DSEL: variants seen among roughly 807,000 people sequenced by gnomAD.
DSEL encodes the protein dermatan-sulfate epimerase-like protein.
Under a neutral mutation model 96.6 loss-of-function variants are expected in DSEL, and 61 were observed. The observed-to-expected ratio is 0.63, with a 90% CI of 0.51 to 0.78. The LOEUF is 0.78. DSEL is among the 30% of genes least tolerant of loss of function. DSEL has a pLI of 0.00. For missense variants in DSEL, 1,320 were observed against 1,430.8 expected, an observed-to-expected ratio of 0.92 and a Z score of 1.25; for synonymous variants, 514 against 502.0, an observed-to-expected ratio of 1.02 and a Z score of -0.32.
chr18:67,511,168 A>T lies in DSEL; in HGVS notation c.3441T>A (p.Ile1147=). ...GGTTTAAACTAGCAGGAGACAAAGG[A>T]ATTCCAAGAAAGGCAAAAATCCTTT... The part of the protein sequence containing the change: ...TTERIFAFLG[I]PLSPASLNQI... The change falls in exon 2 of 2, where the codon ATT becomes ATA. Residue 1147 remains isoleucine (I), a synonymous_variant. Transcript: ENST00000310045. 1 of 1,614,102 alleles carries T rather than the reference A, an allele frequency of 6.2e-7. No homozygotes were observed. The highest frequency in any genetic ancestry group is 8.5e-7 in the Non-Finnish European group (1 of 1,180,028).
In DSEL at chr18:67,510,926, G is replaced by A; in HGVS notation, c.*44C>T. 6.7e-7 allele frequency: 1 copy of A among 1,486,476 alleles called. No homozygotes were observed. Among genetic ancestry groups the A allele is most frequent in the Non-Finnish European group, 9.0e-7 (1 of 1,105,912 alleles). 92.1% of individuals were successfully genotyped at this position (1,486,476 alleles called of 1,614,324 possible). On this transcript the variant is annotated 3_prime_UTR_variant, in exon 2 of 2. Coordinates refer to ENST00000310045, the MANE Select transcript of DSEL (RefSeq NM_032160.3). ...CTTCTGATTCATATCCACAAAGTGG[G>A]TTGGTAAGTATTATTAGTGCAAATT... is the stretch of plus-strand genomic sequence containing the variant.
Position 67,510,426 on chromosome 18 carries a change from T to A in DSEL, c.*544A>T, listed in dbSNP as rs920410365. 6.6e-6 allele frequency: 1 copy of A among 152,602 alleles called. No homozygotes were observed. Among genetic ancestry groups the A allele is most frequent in the Non-Finnish European group, 1.5e-5 (1 of 68,076 alleles). 9.5% of individuals were successfully genotyped at this position (152,602 alleles called of 1,614,324 possible). On this transcript the variant is annotated 3_prime_UTR_variant, in exon 2 of 2. Transcript: ENST00000310045. The stretch of plus-strand genomic sequence containing the variant: ...CCCAGAAGAAATCCTATAGTTCTGA[T>A]AGGAGCTTTCACCATTTCCTCAGTG...
chr18:67,510,705 C>G lies in DSEL; in HGVS notation c.*265G>C, dbSNP rs1231300427. The G allele has an allele frequency of 1.6e-5, 7 of 424,928 alleles. No homozygotes were observed. Among genetic ancestry groups the G allele is most frequent in the Non-Finnish European group, 2.5e-5 (6 of 241,908 alleles). The allele number at this position is 424,928 out of a possible 1,614,324, so 26.3% of individuals were successfully genotyped here. A position where few individuals can be genotyped will look rare whatever the true frequency, so the allele number is the denominator to read the frequency against. ...CATCTCCCCTGACCCCATGATATAA[C>G]TTCATCTACCACTCTGTAGCAGAAA... On this transcript the variant is annotated 3_prime_UTR_variant, in exon 2 of 2. Coordinates refer to ENST00000310045, the MANE Select transcript of DSEL (RefSeq NM_032160.3).
chr18:67,514,307 G>A lies in DSEL; in HGVS notation c.302C>T (p.Pro101Leu). The A allele has an allele frequency of 6.2e-7, 1 of 1,614,198 alleles. No individual in the cohort carries two copies. The highest frequency in any genetic ancestry group is 8.5e-7 in the Non-Finnish European group (1 of 1,180,030). Residue 101 changes from proline to leucine, a missense_variant, in exon 2 of 2, where the codon CCA becomes CTA. By Grantham distance (98) the Pro-to-Leu change is moderately conservative. Around this residue, in one of 3 missense-constraint regions of DSEL, gnomAD observed 323 missense variants for 333.1 expected, o/e 0.97. Transcript: ENST00000310045. ...CTTTGGTGGAGGTAGGTAGTATGTT[G>A]GGTTGGACAGCATAACTGTCACTGC... ...RSAVTVMLSN[P>L]TYYLPPPKHA...
chr18:67,511,705 T>C lies in DSEL; in HGVS notation c.2904A>G (p.Pro968=), dbSNP rs1242008491. ...CGCCTTTCATTTGACTTCTTTGTTCTGGCAAAGACTCTCTCCTTTTAAATT... is the reference window on the plus strand; with the variant it reads ...CGCCTTTCATTTGACTTCTTTGTTCCGGCAAAGACTCTCTCCTTTTAAATT... The part of the protein sequence containing the change: ...KRKFKRRESL[P]EQRSQMKGAF... Residue 968 remains proline, a synonymous_variant, in exon 2 of 2, where the codon CCA becomes CCG. Coordinates refer to ENST00000310045, the MANE Select transcript of DSEL (RefSeq NM_032160.3). The C allele has an allele frequency of 3.1e-6, 5 of 1,614,012 alleles. No homozygotes were observed. The highest frequency in any genetic ancestry group is 1.3e-5 in the African/African-American group (1 of 74,924).
In DSEL at chr18:67,512,923, T is replaced by C; in HGVS notation, c.1686A>G (p.Ser562=). 6.2e-7 allele frequency: 1 copy of C among 1,614,194 alleles called. No individual in the cohort carries two copies. Among genetic ancestry groups the C allele is most frequent in the Non-Finnish European group, 8.5e-7 (1 of 1,180,042 alleles). Residue 562 remains serine, a synonymous_variant, in exon 2 of 2, where the codon TCA becomes TCG. Coordinates refer to ENST00000310045, the MANE Select transcript of DSEL (RefSeq NM_032160.3). ...VSGEAVSAYS[S]AMRLKSVYRA... ...GATATACACTTTTCAGTCTCATTGC[T>C]GAAGAATAAGCAGACACGGCTTCCC...
Position 67,514,745 on chromosome 18 carries a change from A to G in DSEL, c.-137T>C. ...GTAAATCTGATATGCTGTGAAATCC[A>G]GCTGACATTCAGTACATTTTAAGCA... On this transcript the variant is annotated 5_prime_UTR_variant, in exon 2 of 2. Transcript: ENST00000310045. 2.0e-6 allele frequency: 2 copies of G among 1,007,758 alleles called. No individual in the cohort carries two copies. 62.4% of individuals were successfully genotyped at this position (1,007,758 alleles called of 1,614,324 possible). A position where few individuals can be genotyped will look rare whatever the true frequency, so the allele number is the denominator to read the frequency against.
At position 67,511,285 on chromosome 18, in the gene DSEL, T is replaced by G; in HGVS notation, c.3324A>C (p.Ala1108=). 1 of 1,609,978 alleles carries G rather than the reference T, an allele frequency of 6.2e-7. No homozygotes were observed. Among genetic ancestry groups the G allele is most frequent in the South Asian group, 1.1e-5 (1 of 91,076 alleles). The change falls in exon 2 of 2, where the codon GCA becomes GCC. Residue 1108 remains alanine (A), a synonymous_variant. Transcript: ENST00000310045. ...LLSHLWLANT[A]AALRINTDLL... is the part of the protein sequence containing the mutation. ...AATCTGTATTTATTCTCAAGGCTGC[T>G]GCTGTATTTGCTAGCCACAAGTGAG...
In DSEL at chr18:67,513,931, G is replaced by A. The variant is rs781029940; in HGVS notation, c.678C>T (p.Ala226=). Residue 226 remains alanine, a synonymous_variant, in exon 2 of 2, where the codon GCC becomes GCT. Transcript: ENST00000310045. ...CTGTGAGTAATGCTATCATATTAGT[G>A]GCTTGGTGGTTATGGAGAAGCTGTT... ...WGKQLLHNHQ[A]TNMIALLTGA... The A allele has an allele frequency of 2.5e-6, 4 of 1,613,982 alleles. No individual in the cohort carries two copies. The highest frequency in any genetic ancestry group is 3.4e-6 in the Non-Finnish European group (4 of 1,180,028).
Position 67,511,279 on chromosome 18 carries a change from G to C in DSEL, c.3330C>G (p.Ala1110=). Residue 1110 remains alanine (A), a synonymous_variant, in exon 2 of 2, where the codon GCC becomes GCG. Coordinates refer to ENST00000310045, the MANE Select transcript of DSEL (RefSeq NM_032160.3). The part of the protein sequence containing the change: ...SHLWLANTAA[A]LRINTDLLPT... Reference sequence around the variant, plus strand: ...GCAGCAAATCTGTATTTATTCTCAAGGCTGCTGCTGTATTTGCTAGCCACA... The same window carrying C: ...GCAGCAAATCTGTATTTATTCTCAACGCTGCTGCTGTATTTGCTAGCCACA... 3 of 1,610,542 alleles carry C rather than the reference G, an allele frequency of 1.9e-6. No homozygotes were observed. The highest frequency in any genetic ancestry group is 2.5e-6 in the Non-Finnish European group (3 of 1,179,990).
rs1395100563 is a variant in DSEL at position 67,511,694 on chromosome 18, C to T, written c.2915G>A (p.Ser972Asn). Residue 972 changes from serine (S) to asparagine (N), a missense_variant, in exon 2 of 2, where the codon AGT becomes AAT. Around this residue, in one of 3 missense-constraint regions of DSEL, gnomAD observed 986 missense variants for 1,066.4 expected, o/e 0.92. Coordinates refer to ENST00000310045, the MANE Select transcript of DSEL (RefSeq NM_032160.3). ...KRRESLPEQR[S>N]QMKGAFDRDA... The stretch of plus-strand genomic sequence containing the variant: ...TCTATCAAAGGCGCCTTTCATTTGA[C>T]TTCTTTGTTCTGGCAAAGACTCTCT... 2 of 1,614,110 alleles carry T rather than the reference C, an allele frequency of 1.2e-6. No homozygotes were observed. The highest frequency in any genetic ancestry group is 1.7e-5 in the Admixed American group (1 of 60,014).
chr18:67,514,695 T>A lies in DSEL; in HGVS notation c.-87A>T. ...CATCTGGTTAGTATAAAACATACAG[T>A]AAAGGCCTTGATAAGACAAAGACTG... On this transcript the variant is annotated 5_prime_UTR_variant, in exon 2 of 2. Transcript: ENST00000310045. 1 of 1,404,580 alleles carries A rather than the reference T, an allele frequency of 7.1e-7. No homozygotes were observed. The highest frequency in any genetic ancestry group is 9.8e-7 in the Non-Finnish European group (1 of 1,024,076). The allele number at this position is 1,404,580 out of a possible 1,614,324, so 87.0% of individuals were successfully genotyped here. A position where few individuals can be genotyped will look rare whatever the true frequency, so the allele number is the denominator to read the frequency against.
In DSEL at chr18:67,512,285, G is replaced by A. The variant is rs752438984; in HGVS notation, c.2324C>T (p.Ala775Val). The part of the protein sequence containing the change: ...IFPFGFKFNI[A>V]VGLILCISLV... ...GCTAATGCACAAAATTAATCCAACTGCTATATTAAATTTAAATCCAAAGGG... is the reference window on the plus strand; with the variant it reads ...GCTAATGCACAAAATTAATCCAACTACTATATTAAATTTAAATCCAAAGGG... The change falls in exon 2 of 2, where the codon GCA (alanine) becomes GTA (valine). Residue 775 changes from alanine (A) to valine (V), a missense_variant. Physicochemically the swap from Ala to Val is moderately conservative, Grantham distance 64 (BLOSUM62 0). Transcript: ENST00000310045. 9.3e-6 allele frequency: 15 copies of A among 1,613,928 alleles called. No individual in the cohort carries two copies. Among genetic ancestry groups the A allele is most frequent in the Non-Finnish European group, 1.3e-5 (15 of 1,179,992 alleles).
Position 67,512,316 on chromosome 18 carries a change from T to A in DSEL, c.2293A>T (p.Ile765Phe). ...IVKPVRHDRI[I>F]FPFGFKFNIA... ...TTAAATTTAAATCCAAAGGGGAAAA[T>A]AATCCTATCATGTCTTACAGGCTTT... is the stretch of plus-strand genomic sequence containing the variant. Residue 765 changes from isoleucine (I) to phenylalanine (F), a missense_variant, in exon 2 of 2, where the codon ATT becomes TTT. By Grantham distance (21) the Ile-to-Phe change is conservative. Transcript: ENST00000310045. The A allele has an allele frequency of 1.2e-6, 2 of 1,614,198 alleles. No individual in the cohort carries two copies. The highest frequency in any genetic ancestry group is 8.5e-7 in the Non-Finnish European group (1 of 1,180,030).
In DSEL at chr18:67,512,357, C is replaced by A. The variant is rs149331251; in HGVS notation, c.2252G>T (p.Gly751Val). The A allele has an allele frequency of 3.3e-5, 53 of 1,614,150 alleles. No homozygotes were observed. The African/African-American group carries it at 6.1e-4, about 19-fold the overall frequency. ...DQGQITRFGL[G>V]TQAIVKPVRH... is the part of the protein sequence containing the mutation. ...TACAGGCTTTACTATTGCTTGAGTG[C>A]CCAAACCAAATCGGGTTATTTGGCC... The change falls in exon 2 of 2, where the codon GGC becomes GTC. Residue 751 changes from glycine to valine, a missense_variant. Transcript: ENST00000310045.
Position 67,512,319 on chromosome 18 carries a change from T to C in DSEL, c.2290A>G (p.Ile764Val), listed in dbSNP as rs756705971. Reference sequence around the variant, plus strand: ...AATTTAAATCCAAAGGGGAAAATAATCCTATCATGTCTTACAGGCTTTACT... The same window carrying C: ...AATTTAAATCCAAAGGGGAAAATAACCCTATCATGTCTTACAGGCTTTACT... ...AIVKPVRHDR[I>V]IFPFGFKFNI... The change falls in exon 2 of 2, where the codon ATT becomes GTT. Residue 764 changes from isoleucine (I) to valine (V), a missense_variant. Physicochemically the swap from Ile to Val is conservative, Grantham distance 29. Transcript: ENST00000310045. 1.9e-6 allele frequency: 3 copies of C among 1,614,216 alleles called. No individual in the cohort carries two copies. In the East Asian group the frequency reaches 6.7e-5, roughly 36 times the overall value.
In DSEL at chr18:67,512,758, C is replaced by T; in HGVS notation, c.1851G>A (p.Met617Ile). The T allele has an allele frequency of 6.2e-7, 1 of 1,613,990 alleles. No homozygotes were observed. The change falls in exon 2 of 2, where the codon ATG becomes ATA. Residue 617 changes from methionine to isoleucine, a missense_variant. This residue lies in a region of DSEL where 986 missense variants were observed against 1,066.4 expected (regional missense o/e 0.92). Transcript: ENST00000310045. ...CCATCATGGCACCATTATACCTATT[C>T]ATAAACTTATATGGGATATATTTAA... ...IDFKYIPYKF[M>I]NRYNGAMMDV...
rs1298215643 is a variant in DSEL at position 67,508,857 on chromosome 18, T to C, written c.*2113A>G. 6.6e-6 allele frequency: 1 copy of C among 152,112 alleles called. No homozygotes were observed. The highest frequency in any genetic ancestry group is 6.6e-5 in the Admixed American group (1 of 15,246). 9.4% of individuals were successfully genotyped at this position (152,112 alleles called of 1,614,324 possible). Reference sequence around the variant, plus strand: ...CATTCTCCTGCCTCAGCCTCCCGTGTAGCTGGGACTACAGGTGCCCGCCAC... The same window carrying C: ...CATTCTCCTGCCTCAGCCTCCCGTGCAGCTGGGACTACAGGTGCCCGCCAC... On this transcript the variant is annotated 3_prime_UTR_variant, in exon 2 of 2. Transcript: ENST00000310045.
chr18:67,512,984 G>C lies in DSEL; in HGVS notation c.1625C>G (p.Thr542Ser). The C allele has an allele frequency of 6.2e-7, 1 of 1,614,190 alleles. No homozygotes were observed. The highest frequency in any genetic ancestry group is 8.5e-7 in the Non-Finnish European group (1 of 1,180,044). The change falls in exon 2 of 2, where the codon ACT (threonine) becomes AGT (serine). Residue 542 changes from threonine to serine, a missense_variant. Thr to Ser is a moderately conservative substitution (Grantham distance 58, BLOSUM62 1). Coordinates refer to ENST00000310045, the MANE Select transcript of DSEL (RefSeq NM_032160.3). ...TACCATTTCCCCATGTTGAGAGGCA[G>C]TGATTATTTCCCCAGCTGCATCACC... ...EVGDAAGEII[T>S]ASQHGEMVFV...
Sources: gnomAD v4.1 joint callset for allele counts on GRCh38, gnomAD v4.1.1 for gene constraint, gnomAD v4.1.1 regional missense constraint, MANE v1.5 for transcripts, NCBI Gene and HGNC (gene_info 2026-07-23, HGNC 2026-07-21) for gene names.